ERICH6B: variants seen among roughly 807,000 people sequenced by gnomAD.
The protein encoded by ERICH6B is glutamate rich 6B.
A neutral mutation model predicts 80.0 loss-of-function variants in ERICH6B; 69 were observed. The observed-to-expected ratio is 0.86, with a 90% CI of 0.71 to 1.05. The LOEUF is 1.05. ERICH6B is among the 50% of genes least tolerant of loss of function. The pLI, the probability that ERICH6B is intolerant of heterozygous loss-of-function variation, is 0.00. For synonymous variants in ERICH6B, 283 were observed against 291.9 expected (o/e 0.97, Z 0.31); for missense variants, 754 against 796.1 (o/e 0.95, Z 0.64).
chr13:45,578,123 C>T (rs189976741), intron 7 of ERICH6B, among the ~76,000 whole-genome samples: 13 of 152,350 alleles, frequency 8.5e-5, no homozygotes, highest in African/African-American at 3.1e-4. Flanking sequence ...AGAACCGCTA[C>T]CCTCAATATC....
chr13:45,561,132 C>G (rs1874655195), intron 11 of ERICH6B, among the ~76,000 whole-genome samples: 1 of 152,168 alleles, frequency 6.6e-6, no homozygotes, highest in South Asian at 2.1e-4. Flanking sequence ...CACTCTCAAA[C>G]CCATCCAATT....
Position 45,549,894 on chromosome 13 carries a change from A to G in ERICH6B, c.1645T>C (p.Trp549Arg). 1.9e-6 allele frequency: 3 copies of G among 1,550,268 alleles called. No homozygotes were observed. The highest frequency in any genetic ancestry group is 2.6e-6 in the Non-Finnish European group (3 of 1,146,816). ...TAGGGACTCATGACCCAAGCTTACC[A>G]GATATCACTATTTTCATCATAGAAG... The part of the protein sequence containing the change: ...ATFYDENSDI[W>R]LNLSSNLGYY... Residue 549 changes from tryptophan to arginine, a missense_variant and splice_region_variant, in exon 13 of 15, where the codon TGG becomes CGG. Trp to Arg is a moderately radical substitution (Grantham distance 101, BLOSUM62 -3). Coordinates refer to ENST00000298738, the MANE Select transcript of ERICH6B (RefSeq NM_182542.3).
intron 9 of ERICH6B, 53 bp from the exon 10 acceptor site, chr13:45,563,841 TGC>T (rs1407978238): frequency 7.0e-7 from 1 of 1,421,604 alleles, no homozygotes; most frequent in Non-Finnish European, 9.7e-7. Context: ...CACGCATACA[TGC>T]CATCACACAC....
Position 45,577,276 on chromosome 13 carries a change from C to CTTTTTTT in ERICH6B, c.962-2353_962-2347dup, listed in dbSNP as rs34244794. Among the ~76,000 whole-genome samples, 39 of 86,088 alleles carry CTTTTTTT rather than the reference C, an allele frequency of 4.5e-4. 1 individual carries two copies. The highest frequency in any genetic ancestry group is 9.6e-4 in the East Asian group (2 of 2,078). 56.5% of individuals were successfully genotyped at this position (86,088 alleles called of 152,430 possible). A position where few individuals can be genotyped will look rare whatever the true frequency, so the allele number is the denominator to read the frequency against. On this transcript the variant is annotated intron_variant, in intron 7 of 14. Coordinates refer to ENST00000298738, the MANE Select transcript of ERICH6B (RefSeq NM_182542.3). The stretch of plus-strand genomic sequence containing the variant: ...TCTCCTGGACTGATTAAAAACAAAT[C>CTTTTTTT]TTTTTTTTTTTTTTTTTTTTTTTTT...
At chr13:45,547,225 G>A (rs972431795) in intron 13 of ERICH6B, among the ~76,000 whole-genome samples, 6 of 152,212 alleles carry the variant, frequency 3.9e-5, no homozygotes, top group Non-Finnish European at 8.8e-5. Context: ...CTGAGAAAAC[G>A]TTAAAATTTC....
intron 2 of ERICH6B, among the ~76,000 whole-genome samples, chr13:45,603,501 T>C (rs1593327797): frequency 2.0e-5 from 3 of 152,156 alleles, no homozygotes; most frequent in South Asian, 2.1e-4. Flanking sequence ...CCGACTCTTC[T>C]CCCCCTGCCT....
intron 4 of ERICH6B, among the ~76,000 whole-genome samples, chr13:45,587,681 C>A (rs1324341799): frequency 2.6e-5 from 4 of 152,166 alleles, no homozygotes; most frequent in Non-Finnish European, 4.4e-5. Context: ...ACAAACACCA[C>A]CACCATCAAA....
intron 2 of ERICH6B, among the ~76,000 whole-genome samples, chr13:45,604,216 G>T (rs1311528976): frequency 6.6e-6 from 1 of 152,218 alleles, no homozygotes; most frequent in Non-Finnish European, 1.5e-5. Context: ...TCCAAAAGGG[G>T]AAGGGGGCTC....
chr13:45,607,847 G>A (rs781375034), intron 1 of ERICH6B, among the ~76,000 whole-genome samples: 4 of 151,936 alleles, frequency 2.6e-5, no homozygotes, highest in African/African-American at 9.7e-5. Context: ...CAACCCCACC[G>A]CCACCCCTGA....
chr13:45,581,165 T>A (rs1163706309), intron 5 of ERICH6B, among the ~76,000 whole-genome samples: 2 of 152,206 alleles, frequency 1.3e-5, no homozygotes, highest in Non-Finnish European at 2.9e-5. Context: ...ATAGATCTGC[T>A]AAGATTTGCA....
chr13:45,546,368 T>C (rs1281146962), intron 13 of ERICH6B, among the ~76,000 whole-genome samples: 2 of 152,188 alleles, frequency 1.3e-5, no homozygotes, highest in Non-Finnish European at 2.9e-5. Flanking sequence ...CCTGGGTTCG[T>C]CTGGAGAAGG....
chr13:45,594,140 T>C (rs745620564), intron 3 of ERICH6B, among the ~76,000 whole-genome samples: 4 of 152,254 alleles, frequency 2.6e-5, no homozygotes, highest in African/African-American at 9.6e-5. Flanking sequence ...AACATTGATA[T>C]ATTTTTTTGA....
intron 8 of ERICH6B, among the ~76,000 whole-genome samples, chr13:45,571,167 C>T (rs1875149343): frequency 6.6e-6 from 1 of 152,160 alleles, no homozygotes; most frequent in Non-Finnish European, 1.5e-5. Flanking sequence ...AACAGAGTGG[C>T]ATAGATGTCA....
At chr13:45,558,193 C>T (rs940807554) in intron 11 of ERICH6B, among the ~76,000 whole-genome samples, 1 of 152,058 alleles carries the variant, frequency 6.6e-6, no homozygotes, top group East Asian at 1.9e-4. Context: ...TTATTTTTTG[C>T]AGCTATTGTA....
chr13:45,598,272 G>A (rs190243128), intron 2 of ERICH6B, among the ~76,000 whole-genome samples: 10 of 152,170 alleles, frequency 6.6e-5, no homozygotes, highest in East Asian at 3.9e-4. Context: ...GTTCCCCACC[G>A]TATCTCTGAT....
At chr13:45,602,876 C>A (rs544700162) in intron 2 of ERICH6B, among the ~76,000 whole-genome samples, 1 of 152,286 alleles carries the variant, frequency 6.6e-6, no homozygotes, top group African/African-American at 2.4e-5. Context: ...TCAGGGTTCT[C>A]CAGAGAAACA....
At chr13:45,608,043 G>C (rs990507718) in intron 1 of ERICH6B, among the ~76,000 whole-genome samples, 2 of 152,192 alleles carry the variant, frequency 1.3e-5, no homozygotes, top group Non-Finnish European at 2.9e-5. Context: ...GCATGTGGCA[G>C]TTGTTGAGAT....
intron 5 of ERICH6B, among the ~76,000 whole-genome samples, chr13:45,586,416 C>T (rs375305925): frequency 9.9e-5 from 15 of 152,128 alleles, no homozygotes; most frequent in African/African-American, 2.4e-4. Context: ...TAATTAATAA[C>T]GGCAAGAAAT....
intron 14 of ERICH6B, among the ~76,000 whole-genome samples, chr13:45,543,296 G>C (rs1306193849): frequency 1.3e-5 from 2 of 152,188 alleles, no homozygotes; most frequent in African/African-American, 4.8e-5. Flanking sequence ...TGGGGGTCCA[G>C]CCTCAACATT....
Sources: gnomAD v4.1 joint callset for allele counts (sites outside exome capture counted in the v4.1 genomes callset) on GRCh38, gnomAD v4.1.1 for gene constraint, MANE v1.5 for transcripts, NCBI Gene and HGNC (gene_info 2026-07-23, HGNC 2026-07-21) for gene names.